The following TOP1MT variants were observed in gnomAD, a reference collection of about 807,000 sequenced individuals.
TOP1MT encodes DNA topoisomerase I mitochondrial.
A neutral mutation model predicts 73.9 loss-of-function variants in TOP1MT; 80 were observed. That is an observed-to-expected ratio of 1.08 (90% CI 0.90 to 1.30). The LOEUF (loss-of-function observed/expected upper bound fraction) is 1.30. Among genes scored for constraint, TOP1MT ranks in the 50% most tolerant of loss-of-function variants. The pLI, the probability that TOP1MT is intolerant of heterozygous loss-of-function variation, is 0.00. For missense variants in TOP1MT, 815 were observed against 808.0 expected (o/e 1.01, Z -0.10); for synonymous variants, 338 against 326.4 (o/e 1.04, Z -0.38).
At chr8:143,316,308 C>T (rs1279021911) in intron 10 of TOP1MT, among the ~76,000 whole-genome samples, 182 bp from the exon 11 acceptor site, 1 of 152,216 alleles carries the variant, frequency 6.6e-6, no homozygotes, top group Admixed American at 6.5e-5. Flanking sequence ...GAGCAGGGCC[C>T]AGCGTCTTTA....
chr8:143,359,618 G>A (rs917508287), upstream of TOP1MT, among the ~76,000 whole-genome samples: 2 of 150,516 alleles, frequency 1.3e-5, no homozygotes, highest in African/African-American at 2.4e-5. Flanking sequence ...CTGGAGGGGG[G>A]ACACAAAAGG....
chr8:143,324,493 T>G lies in TOP1MT; in HGVS notation c.808A>C (p.Lys270Gln). 3.1e-6 allele frequency: 5 copies of G among 1,613,922 alleles called. No individual in the cohort carries two copies. Among genetic ancestry groups the G allele is most frequent in the Non-Finnish European group, 4.2e-6 (5 of 1,180,004 alleles). ...IKYIMLNPCS[K>Q]LKGETAWQKF... is the part of the protein sequence containing the mutation. The stretch of plus-strand genomic sequence containing the variant: ...CCAAGCCCTGCGCTCACCTTCAGCT[T>G]CGAGCAAGGGTTCAGCATGATGTAC... Residue 270 changes from lysine to glutamine, a missense_variant, in exon 6 of 14, where the codon AAG becomes CAG. Physicochemically the swap from Lys to Gln is moderately conservative, Grantham distance 53 (BLOSUM62 1). This residue lies in a region of TOP1MT where 751 missense variants were observed against 725.4 expected (regional missense o/e 1.04). Coordinates refer to ENST00000329245, the MANE Select transcript of TOP1MT (RefSeq NM_052963.3).
intron 10 of TOP1MT, 111 bp downstream of exon 10, chr8:143,317,612 A>C: frequency 1.1e-6 from 1 of 931,518 alleles, no homozygotes; most frequent in Non-Finnish European, 1.6e-6. Context: ...CCCATTTCCC[A>C]AAGAAGCGGC....
At chr8:143,324,225 A>C in intron 6 of TOP1MT, 83 bp from the exon 7 acceptor site, 3 of 1,556,258 alleles carry the variant, frequency 1.9e-6, no homozygotes, top group Non-Finnish European at 1.8e-6. Context: ...CCTCCCCCAA[A>C]CCTCGTGCTT....
intron 7 of TOP1MT, among the ~76,000 whole-genome samples, chr8:143,321,673 A>ACG (rs1269613343): frequency 1.5e-4 from 18 of 120,396 alleles, no homozygotes; most frequent in Non-Finnish European, 2.4e-4. Context: ...CACGCACGCC[A>ACG]CACACGCACG....
At chr8:143,359,675 G>A (rs1301558541), upstream of TOP1MT, among the ~76,000 whole-genome samples, 1 of 152,088 alleles carries the variant, frequency 6.6e-6, no homozygotes, top group Non-Finnish European at 1.5e-5. Flanking sequence ...AGCACACGGA[G>A]GGGGGACACA....
intron 8 of TOP1MT, among the ~76,000 whole-genome samples, chr8:143,320,692 A>G (rs1053301180): frequency 1.3e-5 from 2 of 152,230 alleles, no homozygotes; most frequent in African/African-American, 4.8e-5. Context: ...GCAGAGATGC[A>G]GGGAGAAGAT....
chr8:143,352,462 C>T (rs892164652), intron 1 of TOP1MT, among the ~76,000 whole-genome samples: 3 of 152,136 alleles, frequency 2.0e-5, no homozygotes, highest in African/African-American at 7.2e-5. Flanking sequence ...ACAAGGGGTG[C>T]GGACTGTCCA....
chr8:143,323,781 A>T (rs1816622028), intron 7 of TOP1MT, among the ~76,000 whole-genome samples: 2 of 149,996 alleles, frequency 1.3e-5, no homozygotes, highest in South Asian at 4.2e-4. Flanking sequence ...ACACACAGGC[A>T]CACCACACGC....
chr8:143,335,732 G>A (rs1816970937), upstream of TOP1MT, among the ~76,000 whole-genome samples: 1 of 152,236 alleles, frequency 6.6e-6, no homozygotes, highest in African/African-American at 2.4e-5. Flanking sequence ...CATGCATTCC[G>A]CACTTTCACT....
intron 7 of TOP1MT, among the ~76,000 whole-genome samples, chr8:143,322,856 A>ACACACGCACGC (rs1243295991): frequency 8.6e-5 from 4 of 46,408 alleles, no homozygotes; most frequent in African/African-American, 2.2e-4. Context: ...CGCACGCAAC[A>ACACACGCACGC]CACACGCACG....
intron 5 of TOP1MT, among the ~76,000 whole-genome samples, chr8:143,325,010 C>T (rs547717470): frequency 5.8e-4 from 88 of 152,334 alleles, no homozygotes; most frequent in African/African-American, 2.0e-3. Context: ...CCAGCAGTCC[C>T]CTCTCCACCA....
At chr8:143,340,639 C>T (rs1202965123) in intron 2 of TOP1MT, among the ~76,000 whole-genome samples, 1 of 152,210 alleles carries the variant, frequency 6.6e-6, no homozygotes, top group Non-Finnish European at 1.5e-5. Context: ...AATGGCGAGG[C>T]CACGCCGCTG....
intron 1 of TOP1MT, among the ~76,000 whole-genome samples, chr8:143,350,714 A>G (rs1817306487): frequency 6.6e-6 from 1 of 152,258 alleles, no homozygotes; most frequent in African/African-American, 2.4e-5. Context: ...CATCATTTAA[A>G]AAATCTTTCT....
In TOP1MT at chr8:143,341,795, C is replaced by T. The variant is rs149659765; in HGVS notation, c.29+1425G>A. Among the ~76,000 whole-genome samples, 3 of 152,304 alleles carry T rather than the reference C, an allele frequency of 2.0e-5. No homozygotes were observed. The East Asian group carries it at 5.8e-4, about 29-fold the overall frequency. ...AAGGTCACAGAGCACTATCCCGACA[C>T]CACTGCCCCATCTAGTGCTTCCTTC... On this transcript the variant is annotated intron_variant, in intron 2 of 5. Transcript: ENST00000518007. This position sits in a 1 kb window ranked among gnomAD's most constrained non-coding sequence, Gnocchi z 4.1.
In TOP1MT at chr8:143,310,298, G is replaced by A. The variant is rs184735958; in HGVS notation, c.1554-81C>T. Reference sequence around the variant, plus strand: ...AGACCTGCACTTCTCTGGCCCTGCCGCCTTCCCTCCCAGTGCAGCCCTGTC... The same window carrying A: ...AGACCTGCACTTCTCTGGCCCTGCCACCTTCCCTCCCAGTGCAGCCCTGTC... On this transcript the variant is annotated intron_variant, in intron 12 of 13. Transcript: ENST00000329245. 2.6e-3 allele frequency: 2,882 copies of A among 1,130,188 alleles called. 6 individuals carry two copies. The highest frequency in any genetic ancestry group is 3.2e-3 in the Non-Finnish European group (2,656 of 823,894). The allele number at this position is 1,130,188 out of a possible 1,614,324, so 70.0% of individuals were successfully genotyped here.
In TOP1MT at chr8:143,321,316, C is replaced by T. The variant is rs775918199; in HGVS notation, c.1031G>A (p.Arg344His). The T allele has an allele frequency of 1.1e-5, 18 of 1,611,376 alleles. No individual in the cohort carries two copies. The highest frequency in any genetic ancestry group is 3.3e-5 in the South Asian group (3 of 90,992). ...CGGGTGCAGCTGGACGTGCTCCACG[C>T]GGAGGGAACAGCAGCCCACGGTGTC... ...AADTVGCCSL[R>H]VEHVQLHPEA... Residue 344 changes from arginine to histidine, a missense_variant, in exon 8 of 14, where the codon CGC (arginine) becomes CAC (histidine). By Grantham distance (29) the Arg-to-His change is conservative. This residue lies in a region of TOP1MT where 751 missense variants were observed against 725.4 expected (regional missense o/e 1.04). Transcript: ENST00000329245.
At chr8:143,326,685 G>A (rs1428204747) in intron 3 of TOP1MT, among the ~76,000 whole-genome samples, 1 of 152,194 alleles carries the variant, frequency 6.6e-6, no homozygotes, top group South Asian at 2.1e-4. Flanking sequence ...AAACTCTCCA[G>A]TATGAAAACC....
chr8:143,323,348 G>A (rs1382346192), intron 7 of TOP1MT, among the ~76,000 whole-genome samples: 4 of 66,436 alleles, frequency 6.0e-5, no homozygotes, highest in Admixed American at 4.1e-4. Context: ...CCACACACAT[G>A]CACGCCACAC....
Sources: gnomAD v4.1 joint callset for allele counts (sites outside exome capture counted in the v4.1 genomes callset) on GRCh38, gnomAD v4.1.1 for gene constraint, gnomAD v4.1.1 regional missense constraint, Gnocchi (gnomAD v3.1) non-coding constraint, MANE v1.5 for transcripts, NCBI Gene and HGNC (gene_info 2026-07-23, HGNC 2026-07-21) for gene names.